Variants in TDRD3 observed in about 807,000 individuals in gnomAD.
The protein encoded by TDRD3 is tudor domain-containing protein 3.
A neutral mutation model predicts 86.7 loss-of-function variants in TDRD3; 45 were observed. That is an observed-to-expected ratio of 0.52 (90% CI 0.41 to 0.67). The LOEUF (loss-of-function observed/expected upper bound fraction) is 0.67. TDRD3 is among the 30% of genes least tolerant of loss of function. TDRD3 has a pLI of 0.00. For synonymous variants in TDRD3, 298 were observed against 301.7 expected, an observed-to-expected ratio of 0.99 and a Z score of 0.13; for missense variants, 814 against 889.0, an observed-to-expected ratio of 0.92 and a Z score of 1.07.
intron 8 of TDRD3, among the ~76,000 whole-genome samples, chr13:60,508,531 T>C (rs1280125599): frequency 1.3e-5 from 2 of 152,188 alleles, no homozygotes; most frequent in African/African-American, 2.4e-5. Flanking sequence ...GGATTTCCTA[T>C]TTAATAAATT....
intron 12 of TDRD3, among the ~76,000 whole-genome samples, chr13:60,551,854 T>C (rs1444750357): frequency 3.3e-5 from 5 of 152,154 alleles, no homozygotes; most frequent in Non-Finnish European, 5.9e-5. Context: ...AATGAGGAAC[T>C]GCAAACACTT....
chr13:60,560,694 C>A (rs1256476243), intron 12 of TDRD3, among the ~76,000 whole-genome samples: 1 of 152,074 alleles, frequency 6.6e-6, no homozygotes, highest in East Asian at 1.9e-4. Context: ...TATAATAAAA[C>A]CCTTGAGTTA....
At position 60,471,906 on chromosome 13, in the gene TDRD3, G is replaced by A. The variant is rs142518639; in HGVS notation, c.495+4527G>A. Among the ~76,000 whole-genome samples, 231 of 152,176 alleles carry A rather than the reference G, an allele frequency of 1.5e-3. 4 individuals are homozygous for A. In the East Asian group the frequency reaches 0.036, roughly 24 times the overall value. The stretch of plus-strand genomic sequence containing the variant: ...CCCTGGCTAAAACTTTTAATATAGT[G>A]TTGAATGGAAGTGATGAAAATGACA... On this transcript the variant is annotated intron_variant, in intron 5 of 13. Transcript: ENST00000377881.
chr13:60,565,266 AG>A (rs1958429594), intron 12 of TDRD3, among the ~76,000 whole-genome samples: 1 of 151,656 alleles, frequency 6.6e-6, no homozygotes, highest in Non-Finnish European at 1.5e-5. Context: ...CTTGTTAGCC[AG>A]GATGGTCTTG....
At chr13:60,551,950 G>A (rs866041148) in intron 12 of TDRD3, among the ~76,000 whole-genome samples, 3 of 152,208 alleles carry the variant, frequency 2.0e-5, no homozygotes, top group African/African-American at 4.8e-5. Context: ...GTCATGTCCC[G>A]CCAGGTCTCT....
At chr13:60,471,761 C>T (rs991945783) in intron 5 of TDRD3, among the ~76,000 whole-genome samples, 28 of 151,110 alleles carry the variant, frequency 1.9e-4, no homozygotes, top group Admixed American at 1.4e-3. Context: ...GTTTTTTTTT[C>T]TTTTTAGTGT....
At chr13:60,443,831 A>G (rs887743216) in intron 2 of TDRD3, among the ~76,000 whole-genome samples, 2 of 151,996 alleles carry the variant, frequency 1.3e-5, no homozygotes, top group South Asian at 2.1e-4. Flanking sequence ...AACTTCAGTT[A>G]TTATGCTAAT....
chr13:60,426,457 T>TA (rs1954811540), intron 1 of TDRD3, among the ~76,000 whole-genome samples: 2 of 152,330 alleles, frequency 1.3e-5, no homozygotes, highest in Middle Eastern at 3.4e-3. Flanking sequence ...AGATGATAGA[T>TA]ATGTTAATAA....
chr13:60,529,442 G>C (rs1037389968), intron 11 of TDRD3, among the ~76,000 whole-genome samples: 1 of 152,112 alleles, frequency 6.6e-6, no homozygotes, highest in Non-Finnish European at 1.5e-5. Context: ...AGTTCGGTTT[G>C]GTTTTAGCTT....
chr13:60,401,047 TATTCTGAGGGGTGATCCTA>T (rs1954084054), intron 1 of TDRD3, among the ~76,000 whole-genome samples: 1 of 152,164 alleles, frequency 6.6e-6, no homozygotes, highest in Non-Finnish European at 1.5e-5. Context: ...ATAAAGGGCT[TATTCTGAGGGGTGATCCTA>T]TTAGAATCAA....
At chr13:60,420,291 G>GT (rs1039071879) in intron 1 of TDRD3, among the ~76,000 whole-genome samples, 1 of 151,862 alleles carries the variant, frequency 6.6e-6, no homozygotes, top group Admixed American at 6.6e-5. Flanking sequence ...TGCTATGAAT[G>GT]TTTTTTACAA....
intron 5 of TDRD3, among the ~76,000 whole-genome samples, chr13:60,475,109 A>G (rs1454932597): frequency 6.6e-6 from 1 of 151,310 alleles, no homozygotes; most frequent in Non-Finnish European, 1.5e-5. Flanking sequence ...ATTTTAGGTT[A>G]AGGAGGTGCA....
intron 5 of TDRD3, among the ~76,000 whole-genome samples, chr13:60,476,060 A>T (rs1378690463): frequency 6.6e-6 from 1 of 151,724 alleles, no homozygotes; most frequent in Non-Finnish European, 1.5e-5. Context: ...CCCACTTCTT[A>T]TTTTTGTTTT....
intron 7 of TDRD3, among the ~76,000 whole-genome samples, chr13:60,488,427 C>CA (rs1364232692): frequency 6.6e-6 from 1 of 151,966 alleles, no homozygotes; most frequent in Non-Finnish European, 1.5e-5. Flanking sequence ...TCTGTTTATA[C>CA]AAAAAAACTG....
rs1955209579 is a variant in TDRD3 at position 60,439,714 on chromosome 13, C to G, written c.68C>G (p.Ala23Gly). The change falls in exon 2 of 14, where the codon GCT becomes GGT. Residue 23 changes from alanine to glycine, a missense_variant. Coordinates refer to ENST00000377881, the MANE Select transcript of TDRD3 (RefSeq NM_001146070.2). ...GWYLSDEGIE[A>G]CTSSPDKVNV... is the part of the protein sequence containing the mutation. The stretch of plus-strand genomic sequence containing the variant: ...TATCTTTCAGATGAAGGCATTGAAG[C>G]TTGCACAAGCTCTCCAGACAAAGTC... 1.2e-5 allele frequency: 18 copies of G among 1,544,158 alleles called. No individual in the cohort carries two copies. Among genetic ancestry groups the G allele is most frequent in the Non-Finnish European group, 1.6e-5 (18 of 1,144,568 alleles).
At chr13:60,516,308 G>GA (rs1957168219) in intron 10 of TDRD3, among the ~76,000 whole-genome samples, 1 of 151,888 alleles carries the variant, frequency 6.6e-6, no homozygotes, top group Non-Finnish European at 1.5e-5. Context: ...AGGCTGGTTG[G>GA]AAAAAAATAT....
In TDRD3 at chr13:60,555,851, TC is replaced by T. The variant is rs71199008; in HGVS notation, c.2119-11673del. On this transcript the variant is annotated intron_variant, in intron 12 of 13. Coordinates refer to ENST00000377881, the MANE Select transcript of TDRD3 (RefSeq NM_001146070.2). Reference sequence around the variant, plus strand: ...AGGAAAAAAAACCAACCTATTTCTTTCTTTTTTTTTTTTTTTTGAGATGGAA... The same window carrying T: ...AGGAAAAAAAACCAACCTATTTCTTTTTTTTTTTTTTTTTTTGAGATGGAA... Among the ~76,000 whole-genome samples, 61 of 146,032 alleles carry T rather than the reference TC, an allele frequency of 4.2e-4. 11 individuals are homozygous for T. The highest frequency in any genetic ancestry group is 8.7e-4 in the South Asian group (4 of 4,602).
At chr13:60,569,405 A>G (rs1958533563) in intron 13 of TDRD3, among the ~76,000 whole-genome samples, 1 of 152,216 alleles carries the variant, frequency 6.6e-6, no homozygotes, top group African/African-American at 2.4e-5. Context: ...TAAAACATTG[A>G]TAAAAGAAAT....
intron 8 of TDRD3, among the ~76,000 whole-genome samples, chr13:60,504,160 A>G (rs149658300): frequency 1.3e-5 from 2 of 152,218 alleles, no homozygotes; most frequent in Non-Finnish European, 2.9e-5. Flanking sequence ...CAAATCTGAG[A>G]TAATCACTCA....
Sources: gnomAD v4.1 joint callset for allele counts (sites outside exome capture counted in the v4.1 genomes callset) on GRCh38, gnomAD v4.1.1 for gene constraint, MANE v1.5 for transcripts, NCBI Gene and HGNC (gene_info 2026-07-23, HGNC 2026-07-21) for gene names.